ROBO2: variants seen among roughly 807,000 people sequenced by gnomAD.
The protein encoded by ROBO2 is roundabout homolog 2.
Under a neutral mutation model 160.8 loss-of-function variants are expected in ROBO2, and 53 were observed. The ratio of observed to expected loss-of-function variants is 0.33; its 90% CI spans 0.26 to 0.41. ROBO2 has a LOEUF of 0.41. Ranked by LOEUF, ROBO2 falls within the 10% of genes least tolerant of loss-of-function variation. The pLI is 1.00. For synonymous variants in ROBO2, 664 were observed against 611.7 expected, an observed-to-expected ratio of 1.09 and a Z score of -1.26; for missense variants, 1,577 against 1,722.4, an observed-to-expected ratio of 0.92 and a Z score of 1.49.
chr3:76,275,853 C>G (rs1707886891), intron 2 of ROBO2, among the ~76,000 whole-genome samples: 1 of 151,910 alleles, frequency 6.6e-6, no homozygotes, highest in African/African-American at 2.4e-5. Flanking sequence ...TTATGTTATC[C>G]TGAATTAATC....
intron 2 of ROBO2, among the ~76,000 whole-genome samples, chr3:76,069,821 G>T (rs909758424): frequency 1.3e-4 from 20 of 152,086 alleles, no homozygotes; most frequent in South Asian, 2.1e-4. Flanking sequence ...CGAAGGGACC[G>T]GCTGAAGCCA....
intron 2 of ROBO2, among the ~76,000 whole-genome samples, chr3:76,466,024 T>TGTGG (rs1254259519): frequency 6.6e-6 from 1 of 151,568 alleles, no homozygotes; most frequent in Non-Finnish European, 1.5e-5. Context: ...TGTGTGTGTG[T>TGTGG]GTGTGTATGT....
intron 2 of ROBO2, among the ~76,000 whole-genome samples, chr3:77,001,189 T>C (rs1377965403): frequency 6.6e-6 from 1 of 152,094 alleles, no homozygotes; most frequent in Admixed American, 6.6e-5. Flanking sequence ...TTGAGGAAAA[T>C]AGGGCAGGAA....
intron 2 of ROBO2, among the ~76,000 whole-genome samples, chr3:77,116,342 G>T (rs1349779287): frequency 6.6e-6 from 1 of 152,130 alleles, no homozygotes; most frequent in Non-Finnish European, 1.5e-5. Flanking sequence ...GCATGGGCTT[G>T]TCATGTAACT....
intron 2 of ROBO2, among the ~76,000 whole-genome samples, chr3:76,056,298 A>G (rs1385666146): frequency 6.6e-6 from 1 of 152,158 alleles, no homozygotes; most frequent in Admixed American, 6.5e-5. Context: ...CACAGGTACC[A>G]AGGGATGACT....
At chr3:76,728,403 T>C (rs1205911488) in intron 2 of ROBO2, among the ~76,000 whole-genome samples, 1 of 152,242 alleles carries the variant, frequency 6.6e-6, no homozygotes, top group East Asian at 1.9e-4. Context: ...CTATTTCTTT[T>C]CCTAAATAAT....
intron 5 of ROBO2, among the ~76,000 whole-genome samples, chr3:77,499,488 T>C (rs1447849): frequency 0.023 from 3,533 of 152,212 alleles, 148 homozygotes; most frequent in African/African-American, 0.081. Context: ...ATCCACCTGA[T>C]TGGTGGCATT....
At position 76,610,857 on chromosome 3, in the gene ROBO2, C is replaced by T. The variant is rs144179778; in HGVS notation, c.110-487157C>T. On this transcript the variant is annotated intron_variant, in intron 2 of 26. Transcript: ENST00000487694. Reference sequence around the variant, plus strand: ...TTACAGCTCTTTTACTCTCACTGCGCGCCACTGGGCAGGTTCCAAATTCAT... The same window carrying T: ...TTACAGCTCTTTTACTCTCACTGCGTGCCACTGGGCAGGTTCCAAATTCAT... Among the ~76,000 whole-genome samples the T allele has an allele frequency of 5.8e-3, 880 of 152,296 alleles. 10 individuals are homozygous for T. In the South Asian group the frequency reaches 0.06, roughly 10 times the overall value.
chr3:76,943,588 T>C (rs2078332185), intron 2 of ROBO2, among the ~76,000 whole-genome samples: 1 of 152,112 alleles, frequency 6.6e-6, no homozygotes, highest in South Asian at 2.1e-4. Flanking sequence ...ATAGTGACTA[T>C]ATTTTATAAG....
intron 2 of ROBO2, among the ~76,000 whole-genome samples, chr3:76,005,509 A>G (rs1426886364): frequency 1.3e-5 from 2 of 152,228 alleles, no homozygotes; most frequent in African/African-American, 2.4e-5. Flanking sequence ...GTTGTATAAA[A>G]TGAATGTGCC....
At chr3:76,938,971 CAAAAAAAAAAAAA>C (rs71629626) in intron 2 of ROBO2, among the ~76,000 whole-genome samples, 65,862 of 115,662 alleles carry the variant, frequency 0.57, 16,091 homozygotes, top group African/African-American at 0.67. Context: ...AACTCAGTCT[CAAAAAAAAAAAAA>C]AAAAAAAAAA....
In ROBO2 at chr3:76,806,180, C is replaced by T. The variant is rs879394911; in HGVS notation, c.110-291834C>T. Among the ~76,000 whole-genome samples, 6 of 149,598 alleles carry T rather than the reference C, an allele frequency of 4.0e-5. No individual in the cohort carries two copies. In the East Asian group the frequency reaches 1.2e-3, roughly 30 times the overall value. On this transcript the variant is annotated intron_variant, in intron 2 of 26. Coordinates refer to the ROBO2 transcript ENST00000487694. ...TATTATTTCTTCTGGAAATTTAACT[C>T]CAGTTATCAGGGTGTTTGTTTATTT...
chr3:76,323,901 C>A (rs1020735741), intron 2 of ROBO2, among the ~76,000 whole-genome samples: 1 of 152,202 alleles, frequency 6.6e-6, no homozygotes, highest in East Asian at 1.9e-4. Context: ...TAGCACTTAA[C>A]AGTGAGCATT....
At chr3:76,876,048 C>T (rs530449662) in intron 2 of ROBO2, among the ~76,000 whole-genome samples, 11 of 152,020 alleles carry the variant, frequency 7.2e-5, no homozygotes, top group Non-Finnish European at 1.3e-4. Context: ...TTAATCATAT[C>T]TGCACAGTCC....
intron 2 of ROBO2, among the ~76,000 whole-genome samples, chr3:76,278,314 C>A (rs1292525839): frequency 6.6e-6 from 1 of 151,888 alleles, no homozygotes; most frequent in Non-Finnish European, 1.5e-5. Context: ...ATACTTATAA[C>A]CTTATCAATA....
rs772785105 is a variant in ROBO2, at chr3:76,073,487, T to G, written c.109+135885T>G. 1.8e-4 allele frequency among the ~76,000 whole-genome samples: 27 copies of G among 151,612 alleles called. 1 individual carries two copies. Among genetic ancestry groups the G allele is most frequent in the Admixed American group, 3.3e-4 (5 of 15,214 alleles). ...TTTGTATTTTTAGTAGAGACGGGGT[T>G]TCACCTTGTTAGCCAGGATGGTCTC... On this transcript the variant is annotated intron_variant, in intron 2 of 26. Coordinates refer to the ROBO2 transcript ENST00000487694.
chr3:77,642,093 A>T (rs1559789189), intron 24 of ROBO2, among the ~76,000 whole-genome samples: 1 of 152,216 alleles, frequency 6.6e-6, no homozygotes, highest in Non-Finnish European at 1.5e-5. Flanking sequence ...TGAAACGAAC[A>T]GCCAGAATTG....
intron 2 of ROBO2, among the ~76,000 whole-genome samples, chr3:76,831,781 A>G (rs2109326775): frequency 6.6e-6 from 1 of 152,318 alleles, no homozygotes; most frequent in African/African-American, 2.4e-5. Context: ...ACATTGTAGG[A>G]TATTCATTAG....
intron 23 of ROBO2, chr3:77,632,693 G>A (rs1305709616): frequency 1.3e-6 from 2 of 1,500,502 alleles, no homozygotes; most frequent in Non-Finnish European, 1.8e-6. Context: ...TTGCATGAGA[G>A]AATCTTGTCC....
Sources: gnomAD v4.1 joint callset for allele counts (sites outside exome capture counted in the v4.1 genomes callset) on GRCh38, gnomAD v4.1.1 for gene constraint, MANE v1.5 for transcripts, NCBI Gene and HGNC (gene_info 2026-07-23, HGNC 2026-07-21) for gene names.